ABLIM2: variants seen among roughly 807,000 people sequenced by gnomAD.
The protein encoded by ABLIM2 is actin binding LIM protein family member 2.
ABLIM2 carries 53 observed loss-of-function variants against 97.7 expected under a neutral mutation model. The observed-to-expected ratio is 0.54, with a 90% confidence interval of 0.44 to 0.68. ABLIM2 has a LOEUF of 0.68. ABLIM2 is among the 30% of genes least tolerant of loss of function. The pLI is 0.00. For missense variants in ABLIM2, 835 were observed against 867.2 expected (o/e 0.96, Z 0.47); for synonymous variants, 361 against 345.8 (o/e 1.04, Z -0.49).
chr4:7,971,407 G>A (rs1225271657), intron 20 of ABLIM2, among the ~76,000 whole-genome samples: 1 of 152,158 alleles, frequency 6.6e-6, no homozygotes, highest in Non-Finnish European at 1.5e-5. Context: ...CTTTGCAGAG[G>A]GTGGGGCAGC....
rs551573663 is a variant in ABLIM2 at position 8,023,843 on chromosome 4, A to ATCCTTCATCGTGGTGCTCCC, written c.1268-3560_1268-3541dup. 5.0e-4 allele frequency among the ~76,000 whole-genome samples: 76 copies of ATCCTTCATCGTGGTGCTCCC among 152,220 alleles called. 1 individual carries two copies. In the South Asian group the frequency reaches 0.016, roughly 31 times the overall value. ...ACTCTAGTTTACAATCCAATGACAC[A>ATCCTTCATCGTGGTGCTCCC]TCCTTCATCGTGGTGCTCCCAGTGG... On this transcript the variant is annotated intron_variant, in intron 12 of 20. Coordinates refer to ENST00000447017, the MANE Select transcript of ABLIM2 (RefSeq NM_001130083.2). The surrounding 1 kb of genome is among the most constrained non-coding windows in gnomAD (Gnocchi z 5.7).
At chr4:8,006,661 G>A (rs1218480200) in intron 16 of ABLIM2, among the ~76,000 whole-genome samples, 6 of 152,190 alleles carry the variant, frequency 3.9e-5, no homozygotes, top group East Asian at 1.9e-4. Context: ...TCCCTGGCCC[G>A]TGGGCAGGTG....
rs903765743 is a variant in ABLIM2 at position 7,979,264 on chromosome 4, C to T, written c.1824+4000G>A. On this transcript the variant is annotated intron_variant, in intron 20 of 20. Transcript: ENST00000447017. The stretch of plus-strand genomic sequence containing the variant: ...CTGCGGTTCCTTTGCTAGCACGATC[C>T]CCACACATCTGGGTGCTCGGCACAC... 3.9e-5 allele frequency among the ~76,000 whole-genome samples: 6 copies of T among 152,210 alleles called. No individual in the cohort carries two copies. The East Asian group carries it at 1.2e-3, about 29-fold the overall frequency.
In ABLIM2 at chr4:8,071,670, A is replaced by T; in HGVS notation, c.675+5958T>A. ...GGAACAGGTGGCTCCGAGGTCTCAC[A>T]CCTGACTGCTCTGTCCCCAAAAACC... On this transcript the variant is annotated intron_variant, in intron 6 of 20. Coordinates refer to ENST00000447017, the MANE Select transcript of ABLIM2 (RefSeq NM_001130083.2). The surrounding 1 kb of genome is among the most constrained non-coding windows in gnomAD (Gnocchi z 6.2). 1 of 978,260 alleles carries T rather than the reference A, an allele frequency of 1.0e-6. No individual in the cohort carries two copies. The highest frequency in any genetic ancestry group is 1.2e-6 in the Non-Finnish European group (1 of 823,574). The allele number at this position is 978,260 out of a possible 1,614,324, so 60.6% of individuals were successfully genotyped here.
chr4:8,154,655 G>A (rs930148557), intron 1 of ABLIM2, among the ~76,000 whole-genome samples: 5 of 152,188 alleles, frequency 3.3e-5, no homozygotes, highest in African/African-American at 9.7e-5. Context: ...CTTCATGTGG[G>A]TAGTAACTTC....
intron 15 of ABLIM2, 125 bp downstream of exon 15, chr4:8,008,925 C>G: frequency 1.7e-6 from 2 of 1,149,538 alleles, no homozygotes; most frequent in Non-Finnish European, 2.5e-6. Context: ...TACCTTTGGC[C>G]TCGCAGGGCC....
chr4:8,075,101 G>C lies in ABLIM2; in HGVS notation c.675+2527C>G, dbSNP rs1815141995. On this transcript the variant is annotated intron_variant, in intron 6 of 20. Transcript: ENST00000447017. The surrounding 1 kb of genome is among the most constrained non-coding windows in gnomAD (Gnocchi z 4.4). ...TCCCGGCCCAGCCTGACAATTCTGA[G>C]AGTCATGATGAAATATGATGCGAGA... 6.6e-6 allele frequency among the ~76,000 whole-genome samples: 1 copy of C among 152,172 alleles called. No homozygotes were observed. The highest frequency in any genetic ancestry group is 1.5e-5 in the Non-Finnish European group (1 of 68,032).
intron 14 of ABLIM2, among the ~76,000 whole-genome samples, chr4:8,016,801 G>A (rs1769630498): frequency 6.6e-6 from 1 of 152,168 alleles, no homozygotes; most frequent in African/African-American, 2.4e-5. Context: ...CTCTACCAAT[G>A]AACGGACGCC....
intron 1 of ABLIM2, among the ~76,000 whole-genome samples, chr4:8,152,473 T>C (rs1463563984): frequency 2.0e-5 from 3 of 152,210 alleles, no homozygotes; most frequent in Non-Finnish European, 4.4e-5. Context: ...GGGCGGCACT[T>C]GATGAGCCGC....
In ABLIM2 at chr4:8,002,638, A is replaced by C. The variant is rs1757994037; in HGVS notation, c.1618+5421T>G. Reference sequence around the variant, plus strand: ...GGCGAGTCCCAGCTCCGCCACCCTCACCGTCTCGGTTTCCCAAGGCCGCCC... The same window carrying C: ...GGCGAGTCCCAGCTCCGCCACCCTCCCCGTCTCGGTTTCCCAAGGCCGCCC... On this transcript the variant is annotated intron_variant, in intron 16 of 20. Transcript: ENST00000447017. The surrounding 1 kb of genome is among the most constrained non-coding windows in gnomAD (Gnocchi z 6.1). Among the ~76,000 whole-genome samples the C allele has an allele frequency of 6.7e-6, 1 of 148,432 alleles. No homozygotes were observed. Among genetic ancestry groups the C allele is most frequent in the Non-Finnish European group, 1.5e-5 (1 of 66,708 alleles).
intron 1 of ABLIM2, among the ~76,000 whole-genome samples, chr4:8,111,596 C>T (rs1168987689): frequency 6.6e-6 from 1 of 152,116 alleles, no homozygotes; most frequent in Non-Finnish European, 1.5e-5. Flanking sequence ...ATCTAGAAAC[C>T]AAGAGATGCT....
chr4:7,989,858 TA>T (rs1180566776), intron 17 of ABLIM2, among the ~76,000 whole-genome samples: 3 of 152,200 alleles, frequency 2.0e-5, no homozygotes, highest in African/African-American at 7.2e-5. Flanking sequence ...AGACACATGG[TA>T]TGCATCAGAG....
At position 7,992,808 on chromosome 4, in the gene ABLIM2, G is replaced by A. The variant is rs1039635221; in HGVS notation, c.1680+58C>T. ...GTGTGGTCAAGAAGCTGTGGGAAAC[G>A]TGCTCAGCCTCACAGCAATCGTTAG... is the stretch of plus-strand genomic sequence containing the variant. On this transcript the variant is annotated intron_variant, in intron 17 of 20. Transcript: ENST00000447017. The surrounding 1 kb of genome is among the most constrained non-coding windows in gnomAD (Gnocchi z 5.7). 7.0e-6 allele frequency: 11 copies of A among 1,566,304 alleles called. No homozygotes were observed. The highest frequency in any genetic ancestry group is 3.4e-5 in the South Asian group (3 of 87,400).
rs552005008 is a variant in ABLIM2 at position 8,087,697 on chromosome 4, T to A, written c.454+472A>T. ...TGGACATTAGATGGGAAAGCAGCAG[T>A]GGGCATTAGATGGGAAAGCAGCAGT... On this transcript the variant is annotated intron_variant, in intron 4 of 20. Coordinates refer to ENST00000447017, the MANE Select transcript of ABLIM2 (RefSeq NM_001130083.2). The surrounding 1 kb of genome is among the most constrained non-coding windows in gnomAD (Gnocchi z 4.6). 2.6e-5 allele frequency among the ~76,000 whole-genome samples: 4 copies of A among 151,936 alleles called. No individual in the cohort carries two copies. Among genetic ancestry groups the A allele is most frequent in the African/African-American group, 9.7e-5 (4 of 41,336 alleles).
chr4:8,104,305 G>A (rs1220860257), intron 2 of ABLIM2, among the ~76,000 whole-genome samples: 22 of 152,230 alleles, frequency 1.4e-4, no homozygotes, highest in Admixed American at 1.3e-3. Flanking sequence ...TGTTCACTTC[G>A]TTGTTCTTCC....
intron 8 of ABLIM2, among the ~76,000 whole-genome samples, chr4:8,052,271 T>C (rs950378756): frequency 1.3e-5 from 2 of 152,226 alleles, no homozygotes; most frequent in Admixed American, 6.5e-5. Context: ...CCACAGGCCT[T>C]TGGTGGGCAT....
intron 20 of ABLIM2, among the ~76,000 whole-genome samples, chr4:7,971,969 T>C (rs4696897): frequency 0.85 from 130,045 of 152,202 alleles, 55,933 homozygotes; most frequent in African/African-American, 0.95. Flanking sequence ...CGTGGTGCAT[T>C]CCACCGGCTC....
chr4:8,057,404 A>G (rs530530658), intron 7 of ABLIM2, among the ~76,000 whole-genome samples: 1 of 152,224 alleles, frequency 6.6e-6, no homozygotes. Flanking sequence ...TGATCTTTCT[A>G]ACGTTTTATT....
At chr4:7,990,313 C>G (rs888926518) in intron 17 of ABLIM2, among the ~76,000 whole-genome samples, 5 of 152,162 alleles carry the variant, frequency 3.3e-5, no homozygotes, top group Admixed American at 1.3e-4. Flanking sequence ...TCTCCTGCCT[C>G]AGCCTCCCGA....
Sources: allele counts gnomAD v4.1 joint callset (sites outside exome capture counted in the v4.1 genomes callset), GRCh38; gene constraint gnomAD v4.1.1; non-coding constraint Gnocchi (gnomAD v3.1); transcripts MANE v1.5; gene names NCBI Gene and HGNC (gene_info 2026-07-23, HGNC 2026-07-21).